TCP11L2: variants seen among roughly 807,000 people sequenced by gnomAD.
TCP11L2 encodes the protein T-complex protein 11-like protein 2.
TCP11L2 carries 39 observed loss-of-function variants against 50.7 expected under a neutral mutation model. The ratio of observed to expected loss-of-function variants is 0.77; its 90% confidence interval spans 0.60 to 1.01. The LOEUF (loss-of-function observed/expected upper bound fraction) is 1.01. TCP11L2 is among the 50% of genes least tolerant of loss of function. The pLI is 0.00. For synonymous variants in TCP11L2, 192 were observed against 219.3 expected, an observed-to-expected ratio of 0.88 and a Z score of 1.10; for missense variants, 612 against 614.7, an observed-to-expected ratio of 1.00 and a Z score of 0.05.
At chr12:106,302,329 C>G (rs1472964335), upstream of TCP11L2, among the ~76,000 whole-genome samples, 1 of 97,016 alleles carries the variant, frequency 1.0e-5, no homozygotes, top group East Asian at 3.4e-4. Flanking sequence ...TCCCCCCGCT[C>G]AGCCCCCGCT....
chr12:106,323,668 T>C, intron 6 of TCP11L2, 22 bp downstream of exon 6: 1 of 1,308,188 alleles, frequency 7.6e-7, no homozygotes. Context: ...ATAATGTGTA[T>C]TTATATTGAA....
intron 9 of TCP11L2, among the ~76,000 whole-genome samples, chr12:106,342,428 T>C (rs2036117164): frequency 6.6e-6 from 1 of 152,166 alleles, no homozygotes; most frequent in African/African-American, 2.4e-5. Flanking sequence ...TACCTTCACA[T>C]GCTGACATGC....
chr12:106,304,514 A>G (rs948291689), intron 1 of TCP11L2, among the ~76,000 whole-genome samples: 2 of 152,242 alleles, frequency 1.3e-5, no homozygotes, highest in African/African-American at 4.8e-5. Flanking sequence ...CTGATTCTAA[A>G]GCAGCATTTT....
intron 3 of TCP11L2, among the ~76,000 whole-genome samples, chr12:106,317,414 G>A (rs556929914): frequency 6.6e-6 from 1 of 152,362 alleles, no homozygotes; most frequent in South Asian, 2.1e-4. Flanking sequence ...TACTTGGGAG[G>A]CTGAGGCATG....
At chr12:106,315,569 C>A (rs1200639065) in intron 3 of TCP11L2, among the ~76,000 whole-genome samples, 1 of 152,202 alleles carries the variant, frequency 6.6e-6, no homozygotes, top group Non-Finnish European at 1.5e-5. Flanking sequence ...GACATATTTG[C>A]ACATTGATTT....
At chr12:106,317,614 G>A (rs117441154) in intron 3 of TCP11L2, among the ~76,000 whole-genome samples, 1 of 152,200 alleles carries the variant, frequency 6.6e-6, no homozygotes, top group South Asian at 2.1e-4. Flanking sequence ...AGGCACAATG[G>A]TAAGTACCTA....
intron 9 of TCP11L2, among the ~76,000 whole-genome samples, chr12:106,345,459 T>C (rs915347414): frequency 1.3e-5 from 2 of 152,210 alleles, no homozygotes; most frequent in Non-Finnish European, 2.9e-5. Flanking sequence ...TCTAGATTTT[T>C]CAAGAGAAAG....
intron 6 of TCP11L2, among the ~76,000 whole-genome samples, chr12:106,328,810 C>G (rs2035643884): frequency 6.6e-6 from 1 of 152,114 alleles, no homozygotes; most frequent in African/African-American, 2.4e-5. Flanking sequence ...TGTCACAAAT[C>G]TGGATAGGAA....
intron 9 of TCP11L2, among the ~76,000 whole-genome samples, chr12:106,346,046 C>T (rs1008771602): frequency 6.6e-6 from 1 of 152,120 alleles, no homozygotes; most frequent in Non-Finnish European, 1.5e-5. Flanking sequence ...GGCATTTCCA[C>T]CGCATTCTGT....
chr12:106,341,018 T>A lies in TCP11L2; in HGVS notation c.1315+20T>A, dbSNP rs755680207. 2 of 1,581,824 alleles carry A rather than the reference T, an allele frequency of 1.3e-6. No homozygotes were observed. Among genetic ancestry groups the A allele is most frequent in the East Asian group, 2.3e-5 (1 of 44,324 alleles). ...TGATTGGTGAGTCCTTTTATTGATT[T>A]CTGCTTCAATTCCAATTTGCTTTAA... On this transcript the variant is annotated intron_variant, in intron 9 of 9. Coordinates refer to ENST00000299045, the MANE Select transcript of TCP11L2 (RefSeq NM_152772.3).
intron 6 of TCP11L2, among the ~76,000 whole-genome samples, chr12:106,327,339 A>G (rs1244325137): frequency 6.6e-6 from 1 of 152,128 alleles, no homozygotes; most frequent in Non-Finnish European, 1.5e-5. Flanking sequence ...GACTACAGGC[A>G]TGTGCCACCA....
intron 9 of TCP11L2, among the ~76,000 whole-genome samples, chr12:106,342,810 C>T (rs1020129565): frequency 2.0e-5 from 3 of 152,188 alleles, no homozygotes; most frequent in Non-Finnish European, 4.4e-5. Context: ...GCACGTCAGT[C>T]AGAGCTGGAG....
At position 106,335,794 on chromosome 12, in the gene TCP11L2, C is replaced by G. The variant is rs988683664; in HGVS notation, c.928C>G (p.Gln310Glu). The G allele has an allele frequency of 1.2e-6, 2 of 1,614,092 alleles. No homozygotes were observed. The highest frequency in any genetic ancestry group is 8.5e-7 in the Non-Finnish European group (1 of 1,180,010). Residue 310 changes from glutamine to glutamate, a missense_variant, in exon 7 of 10, where the codon CAG (glutamine) becomes GAG (glutamate). Coordinates refer to ENST00000299045, the MANE Select transcript of TCP11L2 (RefSeq NM_152772.3). ...AAATAATAGTTACTTGAAACTGTTA[C>G]AGTGGGATTATCAGAAAAAAGAATT... ...VLNNSYLKLL[Q>E]WDYQKKELPE...
upstream of TCP11L2, among the ~76,000 whole-genome samples, chr12:106,300,990 C>T (rs1009983479): frequency 1.3e-5 from 2 of 152,140 alleles, no homozygotes; most frequent in African/African-American, 2.4e-5. Flanking sequence ...AGTAATGTTG[C>T]CATGTGTCAT....
chr12:106,343,148 A>G (rs1390838895), intron 9 of TCP11L2, among the ~76,000 whole-genome samples: 2 of 152,194 alleles, frequency 1.3e-5, no homozygotes, highest in African/African-American at 4.8e-5. Context: ...CTAACTTTAC[A>G]AACACTCCGG....
intron 8 of TCP11L2, among the ~76,000 whole-genome samples, chr12:106,337,229 T>TA (rs1017732139): frequency 1.8e-4 from 28 of 152,300 alleles, no homozygotes; most frequent in Non-Finnish European, 3.7e-4. Context: ...TCCCACCTAT[T>TA]ATTCAGAGAG....
In TCP11L2 at chr12:106,329,458, T is replaced by A; in HGVS notation, c.772+5812T>A. On this transcript the variant is annotated intron_variant, in intron 6 of 9. Coordinates refer to ENST00000299045, the MANE Select transcript of TCP11L2 (RefSeq NM_152772.3). ...TAAGAGAAGAGCCAACGTTTCACTC[T>A]AAACGCATGCTCCTTCTGCTTTACC... The A allele has an allele frequency of 6.5e-6, 10 of 1,531,440 alleles. No homozygotes were observed. In the South Asian group the frequency reaches 7.2e-5, roughly 11 times the overall value. The allele number at this position is 1,531,440 out of a possible 1,614,324, so 94.9% of individuals were successfully genotyped here. A position where few individuals can be genotyped will look rare whatever the true frequency, so the allele number is the denominator to read the frequency against.
intron 2 of TCP11L2, among the ~76,000 whole-genome samples, chr12:106,313,513 G>A (rs2034936876): frequency 6.6e-6 from 1 of 151,686 alleles, no homozygotes; most frequent in Admixed American, 6.6e-5. Context: ...CCAGGAGGTG[G>A]AGGTTGCAGT....
chr12:106,309,815 GTTGAATA>G (rs1345934830), intron 1 of TCP11L2, among the ~76,000 whole-genome samples: 1 of 151,968 alleles, frequency 6.6e-6, no homozygotes, highest in Non-Finnish European at 1.5e-5. Flanking sequence ...GTAGGCACTT[GTTGAATA>G]TTAATGGAAT....
Sources: allele counts gnomAD v4.1 joint callset (sites outside exome capture counted in the v4.1 genomes callset), GRCh38; gene constraint gnomAD v4.1.1; transcripts MANE v1.5; gene names NCBI Gene and HGNC (gene_info 2026-07-23, HGNC 2026-07-21).